PIGU: variants seen among roughly 807,000 people sequenced by gnomAD.
PIGU encodes the protein phosphatidylinositol glycan anchor biosynthesis class U.
Under a neutral mutation model 49.9 loss-of-function variants are expected in PIGU, and 24 were observed. The ratio of observed to expected loss-of-function variants is 0.48; its 90% confidence interval spans 0.35 to 0.68. The LOEUF (loss-of-function observed/expected upper bound fraction) is 0.68, where lower values mean the gene tolerates loss of function less well. Among genes scored for constraint, PIGU ranks in the 30% least tolerant of loss-of-function variants. The pLI is 0.01. For missense variants in PIGU, 490 were observed against 532.6 expected (o/e 0.92, Z 0.79); for synonymous variants, 220 against 205.7 (o/e 1.07, Z -0.59).
intron 5 of PIGU, among the ~76,000 whole-genome samples, chr20:34,635,506 A>G (rs1985928323): frequency 6.6e-6 from 1 of 152,248 alleles, no homozygotes; most frequent in African/African-American, 2.4e-5. Context: ...GTTTGTGAGT[A>G]GGGAAATCTT....
intron 6 of PIGU, among the ~76,000 whole-genome samples, chr20:34,618,238 T>C (rs1985083990): frequency 1.3e-5 from 2 of 152,238 alleles, no homozygotes; most frequent in South Asian, 4.1e-4. Flanking sequence ...CATGCTTTGT[T>C]TTTGTCATTA....
chr20:34,649,334 T>G (rs1986454709), intron 2 of PIGU, among the ~76,000 whole-genome samples: 2 of 152,060 alleles, frequency 1.3e-5, no homozygotes, highest in African/African-American at 4.8e-5. Flanking sequence ...TCTCCCATTC[T>G]AGAACTCCAC....
chr20:34,615,417 G>A lies in PIGU; in HGVS notation c.627+625C>T, dbSNP rs1404320373. 2.6e-5 allele frequency among the ~76,000 whole-genome samples: 4 copies of A among 152,232 alleles called. No individual in the cohort carries two copies. In the South Asian group the frequency reaches 6.2e-4, roughly 24 times the overall value. ...AAAAGTTAAAGAAATGAGCTCAGAG[G>A]GGATCACTAGTTGAGAAAAGAAAAC... On this transcript the variant is annotated intron_variant, in intron 7 of 11. Transcript: ENST00000217446.
chr20:34,666,450 G>GT (rs11390662), intron 1 of PIGU, among the ~76,000 whole-genome samples: 10,910 of 144,282 alleles, frequency 0.076, 1,191 homozygotes, highest in African/African-American at 0.25. Flanking sequence ...TAAAATGTAA[G>GT]TTTTTTTTTT....
chr20:34,561,733 C>T (rs1179520925), intron 11 of PIGU, among the ~76,000 whole-genome samples: 1 of 152,034 alleles, frequency 6.6e-6, no homozygotes, highest in Non-Finnish European at 1.5e-5. Context: ...TCCCTGTCCG[C>T]CCTCTCCCGG....
chr20:34,587,953 A>C (rs570568337), intron 8 of PIGU, among the ~76,000 whole-genome samples: 1 of 152,356 alleles, frequency 6.6e-6, no homozygotes, highest in South Asian at 2.1e-4. Flanking sequence ...GCTGCAATGA[A>C]CATGGGAGTG....
chr20:34,648,826 G>A (rs1004511826), intron 2 of PIGU, among the ~76,000 whole-genome samples: 1 of 152,040 alleles, frequency 6.6e-6, no homozygotes, highest in African/African-American at 2.4e-5. Flanking sequence ...TAGGATTACA[G>A]GCATGAGCCA....
At chr20:34,576,523 C>T (rs1288379190) in intron 10 of PIGU, among the ~76,000 whole-genome samples, 1 of 152,182 alleles carries the variant, frequency 6.6e-6, no homozygotes, top group African/African-American at 2.4e-5. Context: ...TGGTTCATGA[C>T]CCCCTTCCAG....
intron 5 of PIGU, among the ~76,000 whole-genome samples, chr20:34,636,075 C>T (rs984530571): frequency 6.6e-6 from 1 of 151,754 alleles, no homozygotes; most frequent in Admixed American, 6.6e-5. Flanking sequence ...GTAGTACACA[C>T]CTGTAGTCCC....
At chr20:34,563,900 G>C (rs1168330892) in intron 11 of PIGU, among the ~76,000 whole-genome samples, 1 of 152,204 alleles carries the variant, frequency 6.6e-6, no homozygotes. Flanking sequence ...TAGATGTGAT[G>C]AGAAGGGCAC....
intron 11 of PIGU, among the ~76,000 whole-genome samples, chr20:34,569,389 C>A (rs2050329703): frequency 1.3e-5 from 2 of 152,022 alleles, no homozygotes; most frequent in Non-Finnish European, 2.9e-5. Flanking sequence ...TGCCACTGCA[C>A]CCGGTTAGTT....
intron 1 of PIGU, among the ~76,000 whole-genome samples, chr20:34,674,116 C>T (rs1017702229): frequency 1.3e-5 from 2 of 150,170 alleles, no homozygotes; most frequent in Non-Finnish European, 3.0e-5. Context: ...AGCACTTTCA[C>T]AGGTCAAGGC....
In PIGU at chr20:34,614,123, C is replaced by T. The variant is rs566982555; in HGVS notation, c.627+1919G>A. Among the ~76,000 whole-genome samples the T allele has an allele frequency of 1.6e-4, 24 of 152,174 alleles. No individual in the cohort carries two copies. The East Asian group carries it at 4.6e-3, about 29-fold the overall frequency. On this transcript the variant is annotated intron_variant, in intron 7 of 11. Transcript: ENST00000217446. ...GCAGCCTGAGCAACATGGCAAAGCC[C>T]TGTCTCTACAAAAAAATACAAAAAT...
intron 1 of PIGU, among the ~76,000 whole-genome samples, chr20:34,674,009 T>C (rs552527593): frequency 1.1e-4 from 16 of 151,066 alleles, no homozygotes; most frequent in African/African-American, 3.7e-4. Context: ...GCCAAGATCA[T>C]GCCACTACAC....
At chr20:34,563,630 G>A (rs539470471) in intron 11 of PIGU, among the ~76,000 whole-genome samples, 2 of 151,224 alleles carry the variant, frequency 1.3e-5, no homozygotes, top group African/African-American at 4.8e-5. Context: ...TCAATGGGGG[G>A]GGGGAGATAA....
intron 6 of PIGU, among the ~76,000 whole-genome samples, chr20:34,631,558 CTTT>C (rs1190943273): frequency 2.2e-5 from 3 of 136,452 alleles, no homozygotes; most frequent in Non-Finnish European, 3.2e-5. Context: ...TTTTCTTCTC[CTTT>C]TTTTTTTTTT....
At chr20:34,566,783 C>T (rs1982786927) in intron 11 of PIGU, among the ~76,000 whole-genome samples, 1 of 152,096 alleles carries the variant, frequency 6.6e-6, no homozygotes, top group African/African-American at 2.4e-5. Context: ...CCACAACCCC[C>T]TAGGGTCTGC....
chr20:34,672,924 C>A (rs937482906), intron 1 of PIGU, among the ~76,000 whole-genome samples: 40 of 149,628 alleles, frequency 2.7e-4, no homozygotes, highest in Non-Finnish European at 5.6e-4. Context: ...GGATTTGGAT[C>A]CAGGGCCCCT....
At chr20:34,607,233 G>A (rs1369964717) in intron 7 of PIGU, among the ~76,000 whole-genome samples, 1 of 152,164 alleles carries the variant, frequency 6.6e-6, no homozygotes, top group Non-Finnish European at 1.5e-5. Flanking sequence ...GCCGTTCCTG[G>A]CGACGGCCCC....
Sources: gnomAD v4.1 joint callset for allele counts (sites outside exome capture counted in the v4.1 genomes callset) on GRCh38, gnomAD v4.1.1 for gene constraint, MANE v1.5 for transcripts, NCBI Gene and HGNC (gene_info 2026-07-23, HGNC 2026-07-21) for gene names.